Variants in SKAP1 observed in about 807,000 individuals in gnomAD.
SKAP1 encodes src kinase associated phosphoprotein 1, also known as src kinase-associated phosphoprotein 1.
In SKAP1, 44 loss-of-function variants were observed where a neutral mutation model predicts 58.5. The observed-to-expected ratio is 0.75, with a 90% confidence interval of 0.59 to 0.97. SKAP1 has a LOEUF of 0.97. Ranked by LOEUF, SKAP1 falls within the 50% of genes least tolerant of loss-of-function variation. The pLI, the probability that SKAP1 is intolerant of heterozygous loss-of-function variation, is 0.00. For synonymous variants in SKAP1, 127 were observed against 149.7 expected (o/e 0.85, Z 1.11); for missense variants, 390 against 435.2 (o/e 0.90, Z 0.92).
intron 11 of SKAP1, among the ~76,000 whole-genome samples, chr17:48,144,754 G>A (rs1220303999): frequency 1.3e-5 from 2 of 152,174 alleles, no homozygotes; most frequent in African/African-American, 4.8e-5. Context: ...GGATGGCAAA[G>A]AGAACTGAAT....
upstream of SKAP1, among the ~76,000 whole-genome samples, chr17:48,435,255 A>G (rs34238294): frequency 0.031 from 4,420 of 141,212 alleles, 240 homozygotes; most frequent in African/African-American, 0.11. Flanking sequence ...TTCTTTACCT[A>G]TCCTTTAGAC....
At chr17:48,399,528 G>A (rs1470124520) in intron 1 of SKAP1, among the ~76,000 whole-genome samples, 3 of 152,122 alleles carry the variant, frequency 2.0e-5, no homozygotes, top group Non-Finnish European at 2.9e-5. Context: ...GGGAGGCCGA[G>A]GCAAGAGGAT....
intron 1 of SKAP1, among the ~76,000 whole-genome samples, chr17:48,414,648 G>A (rs1056060399): frequency 6.6e-6 from 1 of 152,088 alleles, no homozygotes; most frequent in African/African-American, 2.4e-5. Flanking sequence ...TAGCTTATAG[G>A]TATCTATGTC....
intron 11 of SKAP1, among the ~76,000 whole-genome samples, chr17:48,148,503 GCT>G (rs1378219242): frequency 1.3e-5 from 2 of 152,186 alleles, no homozygotes; most frequent in South Asian, 2.1e-4. Context: ...GCTCTGCACC[GCT>G]CTGTTTTGCT....
intron 4 of SKAP1, among the ~76,000 whole-genome samples, chr17:48,220,793 C>T (rs558136327): frequency 1.5e-4 from 19 of 123,038 alleles, no homozygotes; most frequent in African/African-American, 5.8e-4. Flanking sequence ...GTGGAGGTTG[C>T]AATAAGCCCA....
At position 48,197,691 on chromosome 17, in the gene SKAP1, A is replaced by G. The variant is rs562238938; in HGVS notation, c.281-8191T>C. On this transcript the variant is annotated intron_variant, in intron 4 of 12. Coordinates refer to ENST00000336915, the MANE Select transcript of SKAP1 (RefSeq NM_003726.4). ...AAGACTCAAAACAAAAAACAAACAA[A>G]CAAAAAACAAAAACAAAACAAAAGG... Among the ~76,000 whole-genome samples, 3 of 152,324 alleles carry G rather than the reference A, an allele frequency of 2.0e-5. No individual in the cohort carries two copies. The East Asian group carries it at 5.8e-4, about 29-fold the overall frequency.
intron 2 of SKAP1, among the ~76,000 whole-genome samples, chr17:48,390,328 T>A (rs775853223): frequency 6.6e-6 from 1 of 152,188 alleles, no homozygotes; most frequent in Non-Finnish European, 1.5e-5. Flanking sequence ...GACAAAAGGC[T>A]AGCTCCAGAT....
chr17:48,326,581 C>T (rs1469912155), intron 4 of SKAP1, among the ~76,000 whole-genome samples: 4 of 152,156 alleles, frequency 2.6e-5, no homozygotes, highest in Admixed American at 2.6e-4. Flanking sequence ...AACACTTGGA[C>T]ATTATAGCTC....
intron 4 of SKAP1, chr17:48,308,771 A>G (rs1360669739): frequency 6.6e-6 from 1 of 152,148 alleles, no homozygotes; most frequent in Non-Finnish European, 1.5e-5. Context: ...TGTAAAATGG[A>G]GATAAAAATA....
intron 4 of SKAP1, among the ~76,000 whole-genome samples, chr17:48,249,703 C>T (rs188774391): frequency 1.2e-3 from 184 of 151,558 alleles, no homozygotes; most frequent in African/African-American, 4.2e-3. Flanking sequence ...CCGCAAAAAC[C>T]ACTTCACAAT....
chr17:48,376,912 A>T (rs1324841227), intron 2 of SKAP1, among the ~76,000 whole-genome samples: 1 of 152,162 alleles, frequency 6.6e-6, no homozygotes, highest in East Asian at 1.9e-4. Context: ...AGGATTCGAG[A>T]TCAGAGAGAA....
chr17:48,416,206 C>T (rs1478183735), intron 1 of SKAP1, among the ~76,000 whole-genome samples: 1 of 114,854 alleles, frequency 8.7e-6, no homozygotes, highest in Non-Finnish European at 1.8e-5. Context: ...TCAATGATAC[C>T]TGTATTTTTT....
intron 4 of SKAP1, among the ~76,000 whole-genome samples, chr17:48,286,275 T>C (rs1174673118): frequency 2.0e-5 from 3 of 152,236 alleles, no homozygotes; most frequent in Non-Finnish European, 2.9e-5. Flanking sequence ...GTTTCAATCA[T>C]ATAGGGATGC....
At chr17:48,433,528 A>G (rs1427157395), upstream of SKAP1, among the ~76,000 whole-genome samples, 2 of 152,150 alleles carry the variant, frequency 1.3e-5, no homozygotes, top group African/African-American at 4.8e-5. Context: ...CAATTCCAGC[A>G]AGATCTTAGC....
At chr17:48,359,863 C>T (rs2066915365) in intron 3 of SKAP1, among the ~76,000 whole-genome samples, 1 of 152,092 alleles carries the variant, frequency 6.6e-6, no homozygotes, top group Non-Finnish European at 1.5e-5. Context: ...GCTCAGCCTC[C>T]CAAAGTGCTG....
At chr17:48,294,317 C>T (rs1018309916) in intron 4 of SKAP1, 2 of 152,168 alleles carry the variant, frequency 1.3e-5, no homozygotes, top group Non-Finnish European at 2.9e-5. Context: ...ATTACAGCCA[C>T]CGGCCTCAAC....
At chr17:48,401,996 A>G (rs1396550508) in intron 1 of SKAP1, among the ~76,000 whole-genome samples, 1 of 152,244 alleles carries the variant, frequency 6.6e-6, no homozygotes, top group Non-Finnish European at 1.5e-5. Context: ...AAGAAGATAC[A>G]CAAATGACCA....
intron 3 of SKAP1, among the ~76,000 whole-genome samples, chr17:48,357,387 T>G (rs1231137226): frequency 2.0e-5 from 3 of 152,138 alleles, no homozygotes; most frequent in South Asian, 2.1e-4. Context: ...TCCCAGCACT[T>G]TGGGAGGCTG....
chr17:48,391,784 CTT>C (rs35958466), intron 2 of SKAP1, among the ~76,000 whole-genome samples: 12,128 of 130,722 alleles, frequency 0.093, 632 homozygotes, highest in African/African-American at 0.17. Flanking sequence ...CTACCTCTTC[CTT>C]TTTTTTTTTT....
Sources: gnomAD v4.1 joint callset for allele counts (sites outside exome capture counted in the v4.1 genomes callset) on GRCh38, gnomAD v4.1.1 for gene constraint, MANE v1.5 for transcripts, NCBI Gene and HGNC (gene_info 2026-07-23, HGNC 2026-07-21) for gene names.